PLEKHA7: variants seen among roughly 807,000 people sequenced by gnomAD.
PLEKHA7 encodes pleckstrin homology domain containing A7.
Under a neutral mutation model 170.0 loss-of-function variants are expected in PLEKHA7, and 104 were observed. The ratio of observed to expected loss-of-function variants is 0.61; its 90% CI spans 0.52 to 0.72. The LOEUF (loss-of-function observed/expected upper bound fraction) is 0.72, where lower values mean the gene tolerates loss of function less well. PLEKHA7 is among the 30% of genes least tolerant of loss of function. PLEKHA7 has a pLI of 0.00. For synonymous variants in PLEKHA7, 648 were observed against 660.8 expected (o/e 0.98, Z 0.30); for missense variants, 1,615 against 1,671.7 (o/e 0.97, Z 0.59).
intron 3 of PLEKHA7, among the ~76,000 whole-genome samples, chr11:16,962,159 A>G (rs1862102806): frequency 6.6e-6 from 1 of 152,212 alleles, no homozygotes; most frequent in South Asian, 2.1e-4. Flanking sequence ...ACTGATGTAC[A>G]TGGTGGCAAA....
chr11:17,000,703 T>C (rs895782620), intron 3 of PLEKHA7, among the ~76,000 whole-genome samples: 1 of 152,188 alleles, frequency 6.6e-6, no homozygotes, highest in Non-Finnish European at 1.5e-5. Context: ...GATACCATTC[T>C]AAGTTGATAG....
intron 3 of PLEKHA7, among the ~76,000 whole-genome samples, chr11:16,954,178 A>G (rs563710773): frequency 1.2e-4 from 18 of 152,334 alleles, no homozygotes; most frequent in Admixed American, 5.2e-4. Flanking sequence ...TAAAAATATC[A>G]CTATAAATGT....
intron 3 of PLEKHA7, among the ~76,000 whole-genome samples, chr11:16,938,497 C>CTT (rs533152814): frequency 9.9e-5 from 15 of 151,366 alleles, no homozygotes; most frequent in African/African-American, 3.6e-4. Context: ...GCCCCCCTCA[C>CTT]TTTTTTTTTC....
At chr11:16,787,900 C>T (rs1849509664) in intron 23 of PLEKHA7, 2 of 152,214 alleles carry the variant, frequency 1.3e-5, no homozygotes. Context: ...GGTGTCTGAG[C>T]TAGCAGCTGC....
At chr11:16,884,620 G>A (rs1855940754) in intron 3 of PLEKHA7, among the ~76,000 whole-genome samples, 1 of 150,238 alleles carries the variant, frequency 6.7e-6, no homozygotes. Context: ...GGACAACAGA[G>A]TGAGACTATG....
chr11:17,006,386 G>T (rs1332446124), intron 3 of PLEKHA7, among the ~76,000 whole-genome samples: 2 of 151,006 alleles, frequency 1.3e-5, no homozygotes, highest in African/African-American at 4.9e-5. Context: ...TAGCACTCTG[G>T]GAGGCCAAGG....
intron 4 of PLEKHA7, among the ~76,000 whole-genome samples, chr11:16,862,228 A>G (rs908942359): frequency 6.6e-6 from 1 of 152,170 alleles, no homozygotes; most frequent in African/African-American, 2.4e-5. Context: ...AAACCAGCCC[A>G]AACAGCAGCC....
rs183719271 is a variant in PLEKHA7 at position 16,927,622 on chromosome 11, C to G, written c.222-56440G>C. 3.9e-4 allele frequency among the ~76,000 whole-genome samples: 60 copies of G among 152,316 alleles called. 1 individual carries two copies. In the East Asian group the frequency reaches 0.011, roughly 29 times the overall value. On this transcript the variant is annotated intron_variant, in intron 3 of 26. Coordinates refer to ENST00000531066, the MANE Select transcript of PLEKHA7 (RefSeq NM_001329630.2). Reference sequence around the variant, plus strand: ...GCAAGACTCCTTTGAATAATAACTTCCAGTAATGTTGGCAAGAAGACACTT... The same window carrying G: ...GCAAGACTCCTTTGAATAATAACTTGCAGTAATGTTGGCAAGAAGACACTT...
chr11:16,946,613 C>G (rs1010419423), intron 3 of PLEKHA7, among the ~76,000 whole-genome samples: 1 of 152,192 alleles, frequency 6.6e-6, no homozygotes, highest in African/African-American at 2.4e-5. Context: ...AACCTGCCCA[C>G]AAAGCCCTCC....
intron 9 of PLEKHA7, among the ~76,000 whole-genome samples, chr11:16,828,166 T>G (rs1850808293): frequency 6.6e-6 from 1 of 152,132 alleles, no homozygotes; most frequent in South Asian, 2.1e-4. Flanking sequence ...CCCACCCAAA[T>G]CTCATCTTGA....
intron 3 of PLEKHA7, among the ~76,000 whole-genome samples, chr11:16,889,420 A>AAAAAAAAAAAATATATATATAT (rs61086849): frequency 2.7e-5 from 2 of 74,684 alleles, no homozygotes; most frequent in African/African-American, 1.3e-4. Context: ...AAAAAAAAAA[A>AAAAAAAAAAAATATATATATAT]ATATATATAT....
chr11:16,927,715 T>G (rs921992507), intron 3 of PLEKHA7, among the ~76,000 whole-genome samples: 1 of 152,250 alleles, frequency 6.6e-6, no homozygotes, highest in African/African-American at 2.4e-5. Context: ...AAAATGCTCA[T>G]ATCCTGTGAA....
chr11:16,930,552 T>C (rs1859854903), intron 3 of PLEKHA7, among the ~76,000 whole-genome samples: 1 of 152,180 alleles, frequency 6.6e-6, no homozygotes, highest in Non-Finnish European at 1.5e-5. Flanking sequence ...CAATAATCAT[T>C]TAATCCCTTA....
chr11:16,940,512 T>G (rs1860619844), intron 3 of PLEKHA7, among the ~76,000 whole-genome samples: 1 of 151,958 alleles, frequency 6.6e-6, no homozygotes, highest in African/African-American at 2.4e-5. Context: ...GGTCTTGAAC[T>G]CCTGACCTCA....
At chr11:16,790,087 G>T in intron 21 of PLEKHA7, 1 of 572,954 alleles carries the variant, frequency 1.7e-6, no homozygotes, top group South Asian at 2.0e-5. Context: ...CCTGATGGGG[G>T]GCAGTGTCCC....
intron 3 of PLEKHA7, among the ~76,000 whole-genome samples, chr11:16,903,490 T>C (rs774898210): frequency 1.4e-4 from 21 of 152,164 alleles, no homozygotes; most frequent in Admixed American, 2.6e-4. Flanking sequence ...CCCATCACCA[T>C]TGCACAGACG....
rs192547492 is a variant in PLEKHA7, at chr11:16,887,850, C to T, written c.222-16668G>A. The stretch of plus-strand genomic sequence containing the variant: ...GAAGTGAGGAGCGTCTCTGCCTGGC[C>T]GCCCATCATCTGGGATGTGAGGAGC... On this transcript the variant is annotated intron_variant, in intron 3 of 26. Coordinates refer to ENST00000531066, the MANE Select transcript of PLEKHA7 (RefSeq NM_001329630.2). Among the ~76,000 whole-genome samples, 429 of 152,072 alleles carry T rather than the reference C, an allele frequency of 2.8e-3. 1 individual carries two copies. Among genetic ancestry groups the T allele is most frequent in the South Asian group, 6.4e-3 (31 of 4,816 alleles).
chr11:16,847,016 C>CT (rs1852461484), intron 8 of PLEKHA7, among the ~76,000 whole-genome samples: 1 of 150,244 alleles, frequency 6.7e-6, no homozygotes, highest in South Asian at 2.1e-4. Context: ...CAAGGTGACT[C>CT]TGAGCAGAGA....
chr11:16,911,899 G>A (rs943637819), intron 3 of PLEKHA7, among the ~76,000 whole-genome samples: 11 of 151,944 alleles, frequency 7.2e-5, no homozygotes, highest in South Asian at 2.1e-4. Context: ...TCCCGTCCAC[G>A]GCACCTGCTT....
Sources: gnomAD v4.1 joint callset for allele counts (sites outside exome capture counted in the v4.1 genomes callset) on GRCh38, gnomAD v4.1.1 for gene constraint, MANE v1.5 for transcripts, NCBI Gene and HGNC (gene_info 2026-07-23, HGNC 2026-07-21) for gene names.